Variants in NOS1AP observed in about 807,000 individuals in gnomAD.
The protein encoded by NOS1AP is nitric oxide synthase 1 adaptor protein.
In NOS1AP, 21 loss-of-function variants were observed where a neutral mutation model predicts 56.2. The observed-to-expected ratio is 0.37, with a 90% CI of 0.26 to 0.54. The LOEUF is 0.54. Among genes scored for constraint, NOS1AP ranks in the 20% least tolerant of loss-of-function variants. The pLI is 0.84. For synonymous variants in NOS1AP, 270 were observed against 274.6 expected, an observed-to-expected ratio of 0.98 and a Z score of 0.17; for missense variants, 522 against 657.8, an observed-to-expected ratio of 0.79 and a Z score of 2.26.
At chr1:162,329,315 C>T (rs953570124) in intron 4 of NOS1AP, among the ~76,000 whole-genome samples, 10 of 151,094 alleles carry the variant, frequency 6.6e-5, no homozygotes, top group Non-Finnish European at 5.9e-5. Context: ...ATCACTTGAA[C>T]CTGGGAGGCA....
intron 6 of NOS1AP, among the ~76,000 whole-genome samples, chr1:162,351,925 A>G (rs1657510126): frequency 6.6e-6 from 1 of 152,028 alleles, no homozygotes; most frequent in Non-Finnish European, 1.5e-5. Flanking sequence ...AGGGGTTCCT[A>G]AGGGCCACCT....
In NOS1AP at chr1:162,204,391, G is replaced by T. The variant is rs75448060; in HGVS notation, c.177+49915G>T. On this transcript the variant is annotated intron_variant, in intron 2 of 9. Coordinates refer to ENST00000361897, the MANE Select transcript of NOS1AP (RefSeq NM_014697.3). ...ATTTTTGTCAGTCTTTTGGTTGGGG[G>T]ACCAAATAGATAGTCACTGATGGTG... is the stretch of plus-strand genomic sequence containing the variant. Among the ~76,000 whole-genome samples the T allele has an allele frequency of 2.8e-3, 419 of 152,284 alleles. 2 individuals are homozygous for T. The highest frequency in any genetic ancestry group is 9.7e-3 in the African/African-American group (402 of 41,546).
At chr1:162,294,217 AAGGAAGGAAG>A (rs1655373770) in intron 3 of NOS1AP, among the ~76,000 whole-genome samples, 2 of 150,566 alleles carry the variant, frequency 1.3e-5, no homozygotes, top group South Asian at 2.1e-4. Flanking sequence ...GGAAGGAAGG[AAGGAAGGAAG>A]AAAGAAAGGA....
chr1:162,103,851 T>C lies in NOS1AP; in HGVS notation c.105+33569T>C, dbSNP rs374435621. 9.2e-5 allele frequency among the ~76,000 whole-genome samples: 14 copies of C among 152,240 alleles called. No homozygotes were observed. The South Asian group carries it at 2.9e-3, about 32-fold the overall frequency. On this transcript the variant is annotated intron_variant, in intron 1 of 9. Transcript: ENST00000361897. ...TGCACACAGCATACCAATGGTTGGC[T>C]CTTCATGCAGCTTGCCATTCTGTGT...
At chr1:162,160,784 G>A (rs1005122195) in intron 2 of NOS1AP, among the ~76,000 whole-genome samples, 1 of 152,182 alleles carries the variant, frequency 6.6e-6, no homozygotes, top group African/African-American at 2.4e-5. Context: ...CACTGTGTTA[G>A]TATGGCTCTA....
At chr1:162,143,756 C>G (rs1186162034) in intron 1 of NOS1AP, among the ~76,000 whole-genome samples, 2 of 152,162 alleles carry the variant, frequency 1.3e-5, no homozygotes, top group Admixed American at 1.3e-4. Flanking sequence ...GCCATCATGT[C>G]TGGCCCATCT....
chr1:162,265,224 CTT>C (rs61039086), intron 2 of NOS1AP, among the ~76,000 whole-genome samples: 57 of 148,364 alleles, frequency 3.8e-4, no homozygotes, highest in South Asian at 8.7e-4. Context: ...GGGTCGTTTT[CTT>C]TTTTTTTTTT....
chr1:162,330,539 T>A (rs543768737), intron 4 of NOS1AP, among the ~76,000 whole-genome samples: 1 of 152,300 alleles, frequency 6.6e-6, no homozygotes, highest in African/African-American at 2.4e-5. Context: ...ACACACCTAG[T>A]TCTGCAGGCC....
At chr1:162,218,801 A>C (rs1301012255) in intron 2 of NOS1AP, among the ~76,000 whole-genome samples, 1 of 152,042 alleles carries the variant, frequency 6.6e-6, no homozygotes, top group African/African-American at 2.4e-5. Flanking sequence ...TGTTGCTTTC[A>C]GGCACTCCTT....
At chr1:162,111,034 C>G (rs966869645) in intron 1 of NOS1AP, among the ~76,000 whole-genome samples, 1 of 152,152 alleles carries the variant, frequency 6.6e-6, no homozygotes, top group Non-Finnish European at 1.5e-5. Context: ...AGATGGATAT[C>G]CTCCCTTGTC....
chr1:162,233,437 T>C (rs1273989122), intron 2 of NOS1AP, among the ~76,000 whole-genome samples: 1 of 152,200 alleles, frequency 6.6e-6, no homozygotes, highest in Non-Finnish European at 1.5e-5. Flanking sequence ...AGGTATGTCT[T>C]TAAAAATAAC....
intron 6 of NOS1AP, among the ~76,000 whole-genome samples, chr1:162,352,944 TC>T (rs1299321073): frequency 1.3e-5 from 2 of 152,186 alleles, no homozygotes; most frequent in East Asian, 3.9e-4. Context: ...TTACCTGCAA[TC>T]CTGCTTCTCC....
chr1:162,258,475 C>T (rs115867202), intron 2 of NOS1AP, among the ~76,000 whole-genome samples: 4,213 of 152,160 alleles, frequency 0.028, 77 homozygotes, highest in Non-Finnish European at 0.038. Flanking sequence ...TGGAATCCAC[C>T]ACTACTTCTC....
chr1:162,101,435 T>C (rs1322720887), intron 1 of NOS1AP, among the ~76,000 whole-genome samples: 1 of 152,228 alleles, frequency 6.6e-6, no homozygotes, highest in Admixed American at 6.5e-5. Flanking sequence ...CAGTTACATG[T>C]GAATTTTAAA....
intron 2 of NOS1AP, among the ~76,000 whole-genome samples, chr1:162,169,580 C>T (rs1183187814): frequency 6.6e-6 from 1 of 152,172 alleles, no homozygotes; most frequent in African/African-American, 2.4e-5. Context: ...AGTGTGCATG[C>T]AGTACTACTG....
intron 2 of NOS1AP, among the ~76,000 whole-genome samples, chr1:162,276,280 A>C (rs1654731605): frequency 6.6e-6 from 1 of 152,142 alleles, no homozygotes; most frequent in Admixed American, 6.5e-5. Context: ...TGTCATAGAA[A>C]TTTGGACGAC....
At chr1:162,354,721 T>C (rs1347061081) in intron 6 of NOS1AP, among the ~76,000 whole-genome samples, 1 of 152,198 alleles carries the variant, frequency 6.6e-6, no homozygotes, top group East Asian at 1.9e-4. Flanking sequence ...TCCATCTAAC[T>C]GAGCTTCTAA....
intron 4 of NOS1AP, among the ~76,000 whole-genome samples, chr1:162,330,397 G>T (rs1419281181): frequency 1.3e-5 from 2 of 152,246 alleles, no homozygotes; most frequent in East Asian, 3.8e-4. Flanking sequence ...TGAGATATGT[G>T]CTGTGGCAAC....
At chr1:162,217,330 C>T (rs1652611844) in intron 2 of NOS1AP, among the ~76,000 whole-genome samples, 1 of 126,388 alleles carries the variant, frequency 7.9e-6, no homozygotes, top group African/African-American at 2.9e-5. Flanking sequence ...ATGGCACGAT[C>T]TCGGCTCACT....
Sources: allele counts gnomAD v4.1 joint callset (sites outside exome capture counted in the v4.1 genomes callset), GRCh38; gene constraint gnomAD v4.1.1; transcripts MANE v1.5; gene names NCBI Gene and HGNC (gene_info 2026-07-23, HGNC 2026-07-21).